The following KANK1 variants were observed in gnomAD, a reference collection of about 807,000 sequenced individuals.
KANK1 encodes the protein KN motif and ankyrin repeat domains 1, also known as KN motif and ankyrin repeat domain-containing protein 1.
A neutral mutation model predicts 106.2 loss-of-function variants in KANK1; 109 were observed. The observed-to-expected ratio is 1.03, with a 90% CI of 0.88 to 1.20. The LOEUF is 1.20. Among genes scored for constraint, KANK1 ranks in the 50% most tolerant of loss-of-function variants. The probability of loss-of-function intolerance (pLI) is 0.00; values close to 1 mark genes in which losing one functional copy is unlikely to be tolerated. For synonymous variants in KANK1, 873 were observed against 652.2 expected (o/e 1.34, Z -5.16); for missense variants, 2,399 against 1,710.7 (o/e 1.40, Z -7.10).
intron 1 of KANK1, among the ~76,000 whole-genome samples, chr9:526,904 C>A (rs545446921): frequency 6.6e-6 from 1 of 151,758 alleles, no homozygotes; most frequent in African/African-American, 2.4e-5. Flanking sequence ...CTTCCCCCAA[C>A]ACGTCTCTTC....
chr9:707,295 C>T (rs1165354175), intron 2 of KANK1: 29 of 938,348 alleles, frequency 3.1e-5, no homozygotes, highest in Non-Finnish European at 3.6e-5. Flanking sequence ...GGCCGAATTC[C>T]GGGGGGCCTG....
rs147225803 is a variant in KANK1 at position 712,584 on chromosome 9, A to G, written c.1818A>G (p.Thr606=). The change falls in exon 3 of 12, where the codon ACA becomes ACG. Residue 606 remains threonine (T), a synonymous_variant. Coordinates refer to ENST00000382297, the MANE Select transcript of KANK1 (RefSeq NM_015158.5). ...GCGTCTGCGAAACAGGCAGCAACAC[A>G]GAGGAGTCTGTGAACGACCTCACAC... ...EVSVCETGSN[T]EESVNDLTLL... 2 of 1,613,820 alleles carry G rather than the reference A, an allele frequency of 1.2e-6. No homozygotes were observed. The highest frequency in any genetic ancestry group is 2.7e-5 in the African/African-American group (2 of 74,932).
chr9:479,804 A>G (rs1469507302), intron 3 of KANK1, among the ~76,000 whole-genome samples: 1 of 152,198 alleles, frequency 6.6e-6, no homozygotes, highest in East Asian at 1.9e-4. Context: ...CTCACCCACA[A>G]GGAAGTTCAT....
intron 1 of KANK1, among the ~76,000 whole-genome samples, chr9:560,173 A>G (rs1816013089): frequency 6.6e-6 from 1 of 152,226 alleles, no homozygotes; most frequent in South Asian, 2.1e-4. Context: ...TTCTTGAATT[A>G]ACCTCATTTC....
chr9:510,137 T>C (rs1443509444), intron 1 of KANK1, among the ~76,000 whole-genome samples: 3 of 152,108 alleles, frequency 2.0e-5, no homozygotes, highest in African/African-American at 7.2e-5. Context: ...ATTGCTAATA[T>C]GTTACCTGCA....
intron 1 of KANK1, among the ~76,000 whole-genome samples, chr9:624,894 G>A (rs1833987176): frequency 6.6e-6 from 1 of 152,182 alleles, no homozygotes; most frequent in Non-Finnish European, 1.5e-5. Flanking sequence ...TGAGGAAAAG[G>A]GGTGTGCAGC....
rs746718406 is a variant in KANK1, at chr9:730,197, A to G, written c.2845A>G (p.Thr949Ala). ...GGATGCCTTCCCCACTCAGGAAGGT[A>G]CGCTGTCTCCAGTGAACCTGACAGA... ...SLDAFPTQEG[T>A]LSPVNLTDDQ... The change falls in exon 4 of 12, where the codon ACG (threonine) becomes GCG (alanine). Residue 949 changes from threonine to alanine, a missense_variant. Transcript: ENST00000382297. 139 of 1,614,088 alleles carry G rather than the reference A, an allele frequency of 8.6e-5. No individual in the cohort carries two copies. Among genetic ancestry groups the G allele is most frequent in the Middle Eastern group, 1.6e-4 (1 of 6,082 alleles).
chr9:722,570 G>C (rs944014410), intron 3 of KANK1, among the ~76,000 whole-genome samples: 1 of 152,160 alleles, frequency 6.6e-6, no homozygotes. Flanking sequence ...GGTGCATGCG[G>C]TGCCTACAAC....
intron 1 of KANK1, among the ~76,000 whole-genome samples, chr9:545,893 G>A (rs12342270): frequency 0.26 from 39,111 of 151,760 alleles, 5,910 homozygotes; most frequent in East Asian, 0.46. Flanking sequence ...TTACAGGCAT[G>A]CACCACCATG....
chr9:608,034 A>ATTATTTTTTTTTTT (rs550990252), intron 1 of KANK1, among the ~76,000 whole-genome samples: 2 of 115,354 alleles, frequency 1.7e-5, no homozygotes, highest in African/African-American at 7.4e-5. Flanking sequence ...TATTATTATT[A>ATTATTTTTTTTTTT]TTTTTTTTTT....
chr9:699,465 G>A (rs964494756), intron 2 of KANK1, among the ~76,000 whole-genome samples: 6 of 152,200 alleles, frequency 3.9e-5, no homozygotes, highest in Non-Finnish European at 8.8e-5. Flanking sequence ...GGGTAGTGAT[G>A]GGAGACAGTG....
Position 524,982 on chromosome 9 carries a change from C to CTTTTTTTTTTTTT in KANK1, c.-84+20238_-84+20250dup, listed in dbSNP as rs35377139. Among the ~76,000 whole-genome samples, 18 of 91,960 alleles carry CTTTTTTTTTTTTT rather than the reference C, an allele frequency of 2.0e-4. 2 individuals carry two copies. Among genetic ancestry groups the CTTTTTTTTTTTTT allele is most frequent in the African/African-American group, 8.0e-4 (17 of 21,336 alleles). 60.3% of individuals were successfully genotyped at this position (91,960 alleles called of 152,430 possible). A position where few individuals can be genotyped will look rare whatever the true frequency, so the allele number is the denominator to read the frequency against. ...TTAGTCAATCCCAAACTCTTGCTGC[C>CTTTTTTTTTTTTT]TTTTTTTTTTTTTTTTTTTTTTGAG... On this transcript the variant is annotated intron_variant, in intron 1 of 11. Transcript: ENST00000382297.
intron 1 of KANK1, among the ~76,000 whole-genome samples, chr9:619,726 C>A (rs1423883827): frequency 6.6e-6 from 1 of 152,098 alleles, no homozygotes; most frequent in Admixed American, 6.6e-5. Flanking sequence ...GCAATACATT[C>A]CTATATTAAG....
chr9:557,610 C>G (rs1235795756), intron 1 of KANK1, among the ~76,000 whole-genome samples: 1 of 152,198 alleles, frequency 6.6e-6, no homozygotes, highest in Non-Finnish European at 1.5e-5. Context: ...CATATGATCT[C>G]ATGGCCACAG....
upstream of KANK1, among the ~76,000 whole-genome samples, chr9:500,080 CAGAA>C (rs975957828): frequency 1.1e-4 from 16 of 152,314 alleles, no homozygotes; most frequent in Middle Eastern, 3.4e-3. Flanking sequence ...TTTTAAGAAA[CAGAA>C]GGAAGGGTAG....
In KANK1 at chr9:711,247, AC is replaced by A; in HGVS notation, c.484del (p.Arg162GlyfsTer13). On this transcript the variant is annotated frameshift_variant, in exon 3 of 12. Coordinates refer to ENST00000382297, the MANE Select transcript of KANK1 (RefSeq NM_015158.5). LOFTEE classifies it high-confidence loss of function. Reference sequence around the variant, plus strand: ...TCATGTCACCAAGACACTGATGGAGACCCGGAGAAGACTGGAACAGGAGAGA... The same window carrying A: ...TCATGTCACCAAGACACTGATGGAGACCGGAGAAGACTGGAACAGGAGAGA... ...NLHVTKTLME[T>X]RRRLEQERAT... The A allele has an allele frequency of 6.2e-7, 1 of 1,614,048 alleles. No homozygotes were observed. Among genetic ancestry groups the A allele is most frequent in the Non-Finnish European group, 8.5e-7 (1 of 1,180,020 alleles).
intron 1 of KANK1, among the ~76,000 whole-genome samples, chr9:623,446 TA>T (rs1348003714): frequency 6.6e-6 from 1 of 151,564 alleles, no homozygotes; most frequent in South Asian, 2.1e-4. Flanking sequence ...AAAAATTAGC[TA>T]GGCGTGGTGG....
chr9:624,801 AAAAC>A lies in KANK1; in HGVS notation c.-83-52081_-83-52078del, dbSNP rs139421213. 4.7e-3 allele frequency among the ~76,000 whole-genome samples: 723 copies of A among 152,282 alleles called. 15 individuals carry two copies. Among genetic ancestry groups the A allele is most frequent in the African/African-American group, 0.016 (671 of 41,528 alleles). ...GTGACAGAGCGAGACTCTGTCTCAA[AAAAC>A]AAACAAAAACAATATCCCCTTTAAA... On this transcript the variant is annotated intron_variant, in intron 1 of 11. Transcript: ENST00000382297.
intron 3 of KANK1, among the ~76,000 whole-genome samples, chr9:475,485 A>G (rs918554559): frequency 6.6e-6 from 1 of 152,162 alleles, no homozygotes; most frequent in African/African-American, 2.4e-5. Context: ...CCTGCTCTGA[A>G]GCTTTTTAAT....
Sources: gnomAD v4.1 joint callset for allele counts (sites outside exome capture counted in the v4.1 genomes callset) on GRCh38, gnomAD v4.1.1 for gene constraint, MANE v1.5 for transcripts, NCBI Gene and HGNC (gene_info 2026-07-23, HGNC 2026-07-21) for gene names.